KIAA0319L: variants seen among roughly 807,000 people sequenced by gnomAD.
KIAA0319L encodes KIAA0319 like.
A neutral mutation model predicts 120.1 loss-of-function variants in KIAA0319L; 55 were observed. That is an observed-to-expected ratio of 0.46 (90% CI 0.37 to 0.57). The LOEUF (loss-of-function observed/expected upper bound fraction) is 0.57. Ranked by LOEUF, KIAA0319L falls within the 20% of genes least tolerant of loss-of-function variation. The probability of loss-of-function intolerance (pLI) is 0.00; values close to 1 mark genes in which losing one functional copy is unlikely to be tolerated. For synonymous variants in KIAA0319L, 398 were observed against 471.9 expected, an observed-to-expected ratio of 0.84 and a Z score of 2.03; for missense variants, 1,049 against 1,255.3, an observed-to-expected ratio of 0.84 and a Z score of 2.48.
At chr1:35,548,623 T>C (rs151082574) in intron 2 of KIAA0319L, among the ~76,000 whole-genome samples, 117 of 152,274 alleles carry the variant, frequency 7.7e-4, no homozygotes, top group African/African-American at 2.6e-3. Flanking sequence ...TGTATAAATT[T>C]ATATACAGGG....
At chr1:35,551,882 T>C (rs1336174619) in intron 2 of KIAA0319L, among the ~76,000 whole-genome samples, 2 of 152,166 alleles carry the variant, frequency 1.3e-5, no homozygotes, top group East Asian at 3.8e-4. Context: ...GTGCTGTTTT[T>C]AAGCACCAAG....
intron 9 of KIAA0319L, among the ~76,000 whole-genome samples, chr1:35,458,043 C>G (rs771472018): frequency 1.3e-5 from 2 of 152,168 alleles, no homozygotes; most frequent in African/African-American, 4.8e-5. Flanking sequence ...TCACGCCATT[C>G]TCCTGCCTCA....
chr1:35,479,103 G>T lies in KIAA0319L; in HGVS notation c.776C>A (p.Ala259Asp). 1 of 1,614,154 alleles carries T rather than the reference G, an allele frequency of 6.2e-7. No homozygotes were observed. The highest frequency in any genetic ancestry group is 1.1e-5 in the South Asian group (1 of 91,084). The change falls in exon 4 of 21, where the codon GCT (alanine) becomes GAT (aspartate). Residue 259 changes from alanine (A) to aspartate (D), a missense_variant. By Grantham distance (126) the Ala-to-Asp change is moderately radical. Coordinates refer to ENST00000325722, the MANE Select transcript of KIAA0319L (RefSeq NM_024874.5). ...TACTTGTTGAGTGCTGGGCGTAGTA[G>T]CAAGACCCTCTGATATTTCAGGTTG... ...SVQPEISEGL[A>D]TTPSTQQVKS...
chr1:35,505,753 C>T (rs1645183265), intron 3 of KIAA0319L, among the ~76,000 whole-genome samples: 1 of 152,168 alleles, frequency 6.6e-6, no homozygotes, highest in East Asian at 1.9e-4. Context: ...TGCATGATCA[C>T]TGGCAAACTG....
At chr1:35,491,221 T>C (rs1045983812) in intron 3 of KIAA0319L, among the ~76,000 whole-genome samples, 8 of 151,986 alleles carry the variant, frequency 5.3e-5, no homozygotes, top group South Asian at 4.2e-4. Context: ...AATAAACGAA[T>C]GGGGATCAGC....
chr1:35,442,191 G>A (rs1641274991), intron 19 of KIAA0319L, 55 bp downstream of exon 19: 2 of 1,351,378 alleles, frequency 1.5e-6, no homozygotes, highest in Admixed American at 3.4e-5. Context: ...ACCTCTCTGA[G>A]GAACGAATGT....
intron 2 of KIAA0319L, among the ~76,000 whole-genome samples, chr1:35,509,210 C>T (rs1447471280): frequency 6.6e-6 from 1 of 151,976 alleles, no homozygotes; most frequent in Non-Finnish European, 1.5e-5. Context: ...AACAAAGTAC[C>T]AGAAAGGAGG....
intron 2 of KIAA0319L, among the ~76,000 whole-genome samples, chr1:35,553,793 G>C (rs1475708348): frequency 6.6e-6 from 1 of 152,172 alleles, no homozygotes; most frequent in Non-Finnish European, 1.5e-5. Context: ...CCTGGCAAGA[G>C]GCTTTACCCT....
At chr1:35,499,359 C>T (rs552289529) in intron 3 of KIAA0319L, among the ~76,000 whole-genome samples, 4 of 152,220 alleles carry the variant, frequency 2.6e-5, no homozygotes, top group Non-Finnish European at 5.9e-5. Flanking sequence ...GGGATTAGTG[C>T]TCTTAGAAAA....
At chr1:35,459,195 T>C (rs1486125804) in intron 9 of KIAA0319L, among the ~76,000 whole-genome samples, 1 of 151,886 alleles carries the variant, frequency 6.6e-6, no homozygotes, top group Admixed American at 6.6e-5. Context: ...ATTGAGGAGG[T>C]TCTTAAGGAT....
chr1:35,475,508 C>T (rs1221404557), intron 4 of KIAA0319L, among the ~76,000 whole-genome samples: 1 of 151,770 alleles, frequency 6.6e-6, no homozygotes, highest in Admixed American at 6.6e-5. Flanking sequence ...CAGGGCCTCA[C>T]TCTGTTGCTC....
intron 6 of KIAA0319L, 131 bp from the exon 7 acceptor site, chr1:35,466,826 T>C: frequency 1.5e-6 from 1 of 671,972 alleles, no homozygotes; most frequent in East Asian, 2.8e-5. Context: ...ATGGAAAAGG[T>C]AAAGTAGCCT....
In KIAA0319L at chr1:35,437,121, C is replaced by T. The variant is rs1640854103; in HGVS notation, c.2963-2040G>A. ...GCCCTGCTGCCCTCACCTGGTCGCA[C>T]GTTGTTGGTTTTGGTCACCTAGATG... On this transcript the variant is annotated intron_variant, in intron 20 of 20. Coordinates refer to ENST00000325722, the MANE Select transcript of KIAA0319L (RefSeq NM_024874.5). This position sits in a 1 kb window ranked among gnomAD's most constrained non-coding sequence, Gnocchi z 4.1. Among the ~76,000 whole-genome samples the T allele has an allele frequency of 6.6e-6, 1 of 152,154 alleles. No homozygotes were observed. The highest frequency in any genetic ancestry group is 1.5e-5 in the Non-Finnish European group (1 of 68,020).
chr1:35,535,390 C>T (rs1195575841), intron 2 of KIAA0319L, among the ~76,000 whole-genome samples: 1 of 152,094 alleles, frequency 6.6e-6, no homozygotes, highest in Non-Finnish European at 1.5e-5. Context: ...CAGCCCTATT[C>T]CACAATTGCT....
At chr1:35,451,244 A>G (rs536888542) in intron 13 of KIAA0319L, among the ~76,000 whole-genome samples, 1 of 152,386 alleles carries the variant, frequency 6.6e-6, no homozygotes, top group Admixed American at 6.5e-5. Context: ...GCCTGACAGC[A>G]GGTGTCACTG....
chr1:35,550,211 G>C (rs1283297615), intron 2 of KIAA0319L, among the ~76,000 whole-genome samples: 1 of 152,222 alleles, frequency 6.6e-6, no homozygotes, highest in African/African-American at 2.4e-5. Flanking sequence ...ACAGCTGCCT[G>C]GGGCTCTACC....
intron 2 of KIAA0319L, among the ~76,000 whole-genome samples, chr1:35,516,171 G>A (rs1485144086): frequency 1.3e-5 from 2 of 152,030 alleles, no homozygotes; most frequent in African/African-American, 2.4e-5. Context: ...AAAAATTGAA[G>A]AGGAGGAACT....
intron 2 of KIAA0319L, among the ~76,000 whole-genome samples, chr1:35,546,967 AATAT>A (rs1202281319): frequency 6.7e-6 from 1 of 148,492 alleles, no homozygotes; most frequent in African/African-American, 2.5e-5. Flanking sequence ...CCTATATATA[AATAT>A]ATATATAAAA....
intron 12 of KIAA0319L, among the ~76,000 whole-genome samples, chr1:35,452,825 T>TCAAACAAACAAACAAACAAACAAA (rs34021272): frequency 6.6e-6 from 1 of 151,332 alleles, no homozygotes; most frequent in Non-Finnish European, 1.5e-5. Context: ...AATGCCTTTG[T>TCAAACAAACAAACAAACAAACAAA]CAAACAAACA....
Sources: gnomAD v4.1 joint callset for allele counts (sites outside exome capture counted in the v4.1 genomes callset) on GRCh38, gnomAD v4.1.1 for gene constraint, Gnocchi (gnomAD v3.1) non-coding constraint, MANE v1.5 for transcripts, NCBI Gene and HGNC (gene_info 2026-07-23, HGNC 2026-07-21) for gene names.